Variants in OR7C1 observed in about 807,000 individuals in gnomAD.
OR7C1 encodes the protein olfactory receptor family 7 subfamily C member 1, also known as olfactory receptor 7C1.
For synonymous variants in OR7C1, 152 were observed against 160.7 expected (o/e 0.95, Z 0.41); for missense variants, 324 against 383.3 (o/e 0.85, Z 1.29).
intron 2 of OR7C1, among the ~76,000 whole-genome samples, chr19:14,804,839 A>G (rs986353047): frequency 6.6e-6 from 1 of 151,938 alleles, no homozygotes; most frequent in East Asian, 1.9e-4. Context: ...CTTGCTTTCA[A>G]GTAACTGGTT....
At chr19:14,823,983 T>C (rs1599921815) in intron 1 of OR7C1, among the ~76,000 whole-genome samples, 1 of 152,164 alleles carries the variant, frequency 6.6e-6, no homozygotes, top group Non-Finnish European at 1.5e-5. Context: ...TCTGTATTCT[T>C]TTCCATTGGT....
In OR7C1 at chr19:14,800,518, G is replaced by GA. The variant is rs1004614155; in HGVS notation, c.-203+14dup. ...TGCATATTAGTGATATAGGAGTTAA[G>GA]AAAAAATCACTTACGCAGATAGTAA... On this transcript the variant is annotated intron_variant, in intron 3 of 4. Coordinates refer to ENST00000641666, the Ensembl canonical transcript of OR7C1. 31 of 171,464 alleles carry GA rather than the reference G, an allele frequency of 1.8e-4. No individual in the cohort carries two copies. Among genetic ancestry groups the GA allele is most frequent in the Non-Finnish European group, 1.9e-4 (15 of 80,888 alleles). 10.6% of individuals were successfully genotyped at this position (171,464 alleles called of 1,614,324 possible).
At chr19:14,821,046 T>C (rs915132183) in intron 1 of OR7C1, among the ~76,000 whole-genome samples, 1 of 152,094 alleles carries the variant, frequency 6.6e-6, no homozygotes, top group Non-Finnish European at 1.5e-5. Context: ...GAGACCTGCC[T>C]GGCCAACATG....
intron 2 of OR7C1, among the ~76,000 whole-genome samples, chr19:14,805,075 T>G (rs73504272): frequency 0.014 from 2,054 of 151,962 alleles, 83 homozygotes; most frequent in African/African-American, 0.047. Context: ...TGATTGCCTA[T>G]TGAATTCCTA....
exon 5 of OR7C1, chr19:14,799,035 A>G: frequency 9.1e-7 from 1 of 1,095,284 alleles, no homozygotes; most frequent in African/African-American, 1.6e-5. Context: ...CTCCCTATCT[A>G]CCTAAATAAT....
intron 1 of OR7C1, among the ~76,000 whole-genome samples, chr19:14,823,059 G>A (rs1347411657): frequency 2.0e-5 from 3 of 152,026 alleles, no homozygotes; most frequent in Non-Finnish European, 4.4e-5. Context: ...GTGTTTTGAG[G>A]GGTATATTTT....
intron 1 of OR7C1, among the ~76,000 whole-genome samples, chr19:14,819,962 A>C (rs1262524468): frequency 6.6e-6 from 1 of 152,202 alleles, no homozygotes; most frequent in Admixed American, 6.5e-5. Context: ...CCTGGAGTGC[A>C]GTGGCACAAT....
chr19:14,805,421 T>TC (rs1364198771), intron 2 of OR7C1, among the ~76,000 whole-genome samples: 3 of 145,160 alleles, frequency 2.1e-5, no homozygotes, highest in Non-Finnish European at 4.5e-5. Context: ...TTTTTTTTTT[T>TC]TTTTTTTTTT....
chr19:14,813,072 CAAA>C (rs61686100), intron 1 of OR7C1, among the ~76,000 whole-genome samples: 3 of 87,686 alleles, frequency 3.4e-5, no homozygotes, highest in Non-Finnish European at 5.0e-5. Context: ...GATTCCATCT[CAAA>C]AAAAAAAAAA....
chr19:14,808,878 A>G (rs750973135), intron 2 of OR7C1, among the ~76,000 whole-genome samples: 57 of 152,004 alleles, frequency 3.7e-4, no homozygotes, highest in Non-Finnish European at 1.3e-4. Context: ...TTGGGCTACT[A>G]TGTAACATTT....
At chr19:14,825,328 C>G (rs1180156688) in intron 1 of OR7C1, 1 of 152,102 alleles carries the variant, frequency 6.6e-6, no homozygotes, top group Non-Finnish European at 1.5e-5. Context: ...TCAAAACGTA[C>G]AGAGTTGTGG....
intron 1 of OR7C1, chr19:14,826,034 A>G (rs2044765255): frequency 6.6e-6 from 1 of 152,232 alleles, no homozygotes; most frequent in Admixed American, 6.5e-5. Flanking sequence ...ATTAAAAAAA[A>G]GACTACTGTT....
In OR7C1 at chr19:14,801,791, CAG is replaced by C. The variant is rs367838678; in HGVS notation, c.-434-1029_-434-1028del. On this transcript the variant is annotated intron_variant, in intron 2 of 4. Transcript: ENST00000641666. ...GCAAGCATCCTTTTTCACATGGCAG[CAG>C]AGAGAGAGAGAGCGCGCGCTAAGGC... 2.4e-3 allele frequency among the ~76,000 whole-genome samples: 368 copies of C among 151,182 alleles called. 1 individual carries two copies. Among genetic ancestry groups the C allele is most frequent in the African/African-American group, 8.2e-3 (338 of 41,382 alleles).
intron 1 of OR7C1, among the ~76,000 whole-genome samples, chr19:14,815,615 T>C (rs1318985927): frequency 6.6e-6 from 1 of 152,168 alleles, no homozygotes; most frequent in Non-Finnish European, 1.5e-5. Flanking sequence ...ATTTATAAAT[T>C]GTGGGGGGTT....
At chr19:14,816,210 T>G (rs2044715736) in intron 1 of OR7C1, among the ~76,000 whole-genome samples, 1 of 152,110 alleles carries the variant, frequency 6.6e-6, no homozygotes, top group South Asian at 2.1e-4. Context: ...AAAAATTCTT[T>G]TAAAAAGTTA....
rs940410948 is a variant in OR7C1, at chr19:14,819,056, A to G, written c.-622-9063T>C. 9.3e-5 allele frequency among the ~76,000 whole-genome samples: 11 copies of G among 117,938 alleles called. No individual in the cohort carries two copies. In the Admixed American group the frequency reaches 1.0e-3, roughly 11 times the overall value. 77.4% of individuals were successfully genotyped at this position (117,938 alleles called of 152,430 possible). A position where few individuals can be genotyped will look rare whatever the true frequency, so the allele number is the denominator to read the frequency against. On this transcript the variant is annotated intron_variant, in intron 1 of 4. Transcript: ENST00000641666. ...TATATCTCCCCCCTCCCCCTGCCCC[A>G]TAACAGTCCCCGGTGTGTGATATTC...
At chr19:14,812,507 C>T (rs184255068) in intron 1 of OR7C1, among the ~76,000 whole-genome samples, 1 of 152,278 alleles carries the variant, frequency 6.6e-6, no homozygotes, top group East Asian at 1.9e-4. Flanking sequence ...GCATGCATCC[C>T]CTGTCACGTA....
At position 14,831,275 on chromosome 19, in the gene OR7C1, C is replaced by T. The variant is rs117151160; in HGVS notation, c.-623+3799G>A. Among the ~76,000 whole-genome samples the T allele has an allele frequency of 1.5e-3, 227 of 152,180 alleles. 2 individuals carry two copies. In the East Asian group the frequency reaches 0.032, roughly 22 times the overall value. ...CAATTCACAAAAAGAAACATACAAA[C>T]AATGACAAGATTTGGGCATTTTTAT... On this transcript the variant is annotated intron_variant, in intron 1 of 4. Coordinates refer to ENST00000641666, the Ensembl canonical transcript of OR7C1.
chr19:14,800,374 T>G, exon 4 of OR7C1: 2 of 455,222 alleles, frequency 4.4e-6, no homozygotes, highest in Non-Finnish European at 7.7e-6. Context: ...ATAGCCTGGC[T>G]TCTCAAAGTG....
Sources: allele counts gnomAD v4.1 joint callset (sites outside exome capture counted in the v4.1 genomes callset), GRCh38; gene constraint gnomAD v4.1.1; transcripts MANE v1.5; gene names NCBI Gene and HGNC (gene_info 2026-07-23, HGNC 2026-07-21).